ERAP1: variants seen among roughly 807,000 people sequenced by gnomAD.
ERAP1 encodes the protein endoplasmic reticulum aminopeptidase 1, also known as adipocyte-derived leucine aminopeptidase.
Under a neutral mutation model 103.7 loss-of-function variants are expected in ERAP1, and 86 were observed. That is an observed-to-expected ratio of 0.83 (90% CI 0.70 to 0.99). The LOEUF is 0.99. Among genes scored for constraint, ERAP1 ranks in the 50% least tolerant of loss-of-function variants. The pLI, the probability that ERAP1 is intolerant of heterozygous loss-of-function variation, is 0.00. For synonymous variants in ERAP1, 398 were observed against 402.4 expected (o/e 0.99, Z 0.13); for missense variants, 1,009 against 1,128.4 (o/e 0.89, Z 1.52).
In ERAP1 at chr5:96,803,156, A is replaced by G. The variant is rs189438479; in HGVS notation, c.524+247T>C. On this transcript the variant is annotated intron_variant, in intron 2 of 18. Transcript: ENST00000443439. ...ATGTTTATTATGTCTCAGAAATCGAACCAAATAAACAAATAGATATTTACT... is the reference window on the plus strand; with the variant it reads ...ATGTTTATTATGTCTCAGAAATCGAGCCAAATAAACAAATAGATATTTACT... 1.1e-4 allele frequency among the ~76,000 whole-genome samples: 16 copies of G among 152,334 alleles called. No homozygotes were observed. The East Asian group carries it at 3.1e-3, about 29-fold the overall frequency.
Position 96,807,933 on chromosome 5 carries a change from C to G in ERAP1, c.-91G>C. The G allele has an allele frequency of 3.0e-6, 3 of 985,990 alleles. No homozygotes were observed. The highest frequency in any genetic ancestry group is 3.6e-6 in the Non-Finnish European group (3 of 830,396). The allele number at this position is 985,990 out of a possible 1,614,324, so 61.1% of individuals were successfully genotyped here. ...GCCGCCGGCCTAGCTCCCCCAGGAC[C>G]GAAAGTGAAAGTGGAGCCCGGGGAG... On this transcript the variant is annotated 5_prime_UTR_variant, in exon 1 of 19. Coordinates refer to ENST00000443439, the MANE Select transcript of ERAP1 (RefSeq NM_001040458.3).
At chr5:96,801,507 T>A (rs1233513982) in intron 2 of ERAP1, among the ~76,000 whole-genome samples, 7 of 149,042 alleles carry the variant, frequency 4.7e-5, no homozygotes, top group Admixed American at 4.7e-4. Flanking sequence ...ACAGGGAAAA[T>A]TCATTTAAGA....
At chr5:96,836,176 G>GTTTTTTTTTTTTTTTT in the ERAP1 span, among the ~76,000 whole-genome samples, 24 of 106,676 alleles carry the variant, frequency 2.2e-4, no homozygotes, top group Admixed American at 3.2e-4. Flanking sequence ...CACCTCTTTG[G>GTTTTTTTTTTTTTTTT]TTTTTTTTTT....
At chr5:96,813,584 C>T in the ERAP1 span, among the ~76,000 whole-genome samples, 4 of 124,098 alleles carry the variant, frequency 3.2e-5, no homozygotes, top group Admixed American at 1.1e-4. Context: ...ACCCAGGAGG[C>T]GGAGGTTGCA....
the ERAP1 span, chr5:96,889,409 T>C: frequency 4.0e-5 from 51 of 1,277,558 alleles, no homozygotes; most frequent in Non-Finnish European, 5.4e-5. Flanking sequence ...CACTGAGGAA[T>C]TCAGTTAGCT....
chr5:96,906,472 T>C, the ERAP1 span, among the ~76,000 whole-genome samples: 1 of 152,150 alleles, frequency 6.6e-6, no homozygotes, highest in South Asian at 2.1e-4. Flanking sequence ...CTGCCTATGT[T>C]GTCCAGGCTG....
At chr5:96,909,441 A>T in the ERAP1 span, 1 of 707,098 alleles carries the variant, frequency 1.4e-6, no homozygotes, top group East Asian at 2.6e-5. Flanking sequence ...AGAAAAAGAT[A>T]AGAGAAATAC....
At chr5:96,851,582 T>A in the ERAP1 span, among the ~76,000 whole-genome samples, 2 of 152,092 alleles carry the variant, frequency 1.3e-5, no homozygotes, top group Non-Finnish European at 2.9e-5. Context: ...ATTCTATAGG[T>A]TTGCACCCAA....
the ERAP1 span, chr5:96,902,212 A>T: frequency 1.7e-6 from 2 of 1,156,084 alleles, no homozygotes; most frequent in Middle Eastern, 3.9e-4. Flanking sequence ...TCTGAGTCTG[A>T]CAATGTGAAA....
At chr5:96,877,904 C>T in the ERAP1 span, among the ~76,000 whole-genome samples, 18 of 152,280 alleles carry the variant, frequency 1.2e-4, no homozygotes, top group Middle Eastern at 3.4e-3. Context: ...CTGTCACCTG[C>T]ATTAATATTG....
the ERAP1 span, chr5:96,896,533 T>C: frequency 6.4e-7 from 1 of 1,569,402 alleles, no homozygotes; most frequent in Admixed American, 1.8e-5. Context: ...AGGTGGAAGC[T>C]CTGCTTTCAG....
At chr5:96,819,511 TTG>T in the ERAP1 span, among the ~76,000 whole-genome samples, 3 of 152,004 alleles carry the variant, frequency 2.0e-5, no homozygotes, top group Middle Eastern at 6.8e-3. Context: ...GTATGTGTGT[TTG>T]TGTGTGTGTG....
the ERAP1 span, chr5:96,879,707 G>C: frequency 6.2e-7 from 1 of 1,614,012 alleles, no homozygotes; most frequent in Non-Finnish European, 8.5e-7. Context: ...TTCTGCAATG[G>C]TTAATTCACA....
At chr5:96,831,906 A>G in the ERAP1 span, among the ~76,000 whole-genome samples, 5 of 152,258 alleles carry the variant, frequency 3.3e-5, no homozygotes, top group Non-Finnish European at 5.9e-5. Flanking sequence ...CTTTGAATAC[A>G]GTCAGAGATT....
chr5:96,843,269 T>C, the ERAP1 span, among the ~76,000 whole-genome samples: 1 of 152,138 alleles, frequency 6.6e-6, no homozygotes, highest in African/African-American at 2.4e-5. Context: ...GTGTACACCC[T>C]AAGTAAATGA....
At chr5:96,770,389 AT>A (rs1378273672), downstream of ERAP1, 2 of 596,930 alleles carry the variant, frequency 3.4e-6, no homozygotes, top group Non-Finnish European at 6.1e-6. Flanking sequence ...TTCAAAAAAA[AT>A]CATGAAAAAA....
chr5:96,915,544 G>T, the ERAP1 span: 1 of 422,066 alleles, frequency 2.4e-6, no homozygotes, highest in Non-Finnish European at 4.1e-6. Context: ...CTGGATGAAT[G>T]TTATTATGGT....
rs761972593 is a variant in ERAP1, at chr5:96,781,694, A to T, written c.2446T>A (p.Trp816Arg). Residue 816 changes from tryptophan to arginine, a missense_variant and splice_region_variant, in exon 16 of 19, where the codon TGG (tryptophan) becomes AGG (arginine). Trp to Arg is a moderately radical substitution (Grantham distance 101). This residue lies in a region of ERAP1 where 611 missense variants were observed against 651.7 expected (regional missense o/e 0.94). Transcript: ENST00000443439. Reference sequence around the variant, plus strand: ...AACATGAATGAATGACGGACTCACCATTGAAGCTTTTCCTTATTTTGGGTT... The same window carrying T: ...AACATGAATGAATGACGGACTCACCTTTGAAGCTTTTCCTTATTTTGGGTT... ...CRTQNKEKLQ[W>R]LLDESFKGDK... 6.2e-7 allele frequency: 1 copy of T among 1,614,168 alleles called. No homozygotes were observed. The highest frequency in any genetic ancestry group is 1.7e-5 in the Admixed American group (1 of 60,032).
the ERAP1 span, chr5:96,889,142 G>A: frequency 3.1e-6 from 5 of 1,609,756 alleles, no homozygotes; most frequent in Non-Finnish European, 4.2e-6. Flanking sequence ...AATTATGCCA[G>A]GGAGCTGTCA....
Sources: gnomAD v4.1 joint callset for allele counts (sites outside exome capture counted in the v4.1 genomes callset) on GRCh38, gnomAD v4.1.1 for gene constraint, gnomAD v4.1.1 regional missense constraint, MANE v1.5 for transcripts, NCBI Gene and HGNC (gene_info 2026-07-23, HGNC 2026-07-21) for gene names.